Variants in IL1R2 observed in about 807,000 individuals in gnomAD.
IL1R2 encodes interleukin-1 receptor type 2.
In IL1R2, 46 loss-of-function variants were observed where a neutral mutation model predicts 39.5. That is an observed-to-expected ratio of 1.16 (90% CI 0.92 to 1.49). IL1R2 has a LOEUF of 1.49. Ranked by LOEUF, IL1R2 falls within the 40% of genes most tolerant of loss-of-function variation. The probability of loss-of-function intolerance (pLI) is 0.00; values close to 1 mark genes in which losing one functional copy is unlikely to be tolerated. For synonymous variants in IL1R2, 207 were observed against 189.6 expected, an observed-to-expected ratio of 1.09 and a Z score of -0.75; for missense variants, 537 against 502.0, an observed-to-expected ratio of 1.07 and a Z score of -0.67.
Position 102,011,609 on chromosome 2 carries a change from T to C in IL1R2, c.332+1783T>C, listed in dbSNP as rs934028250. 5.9e-5 allele frequency among the ~76,000 whole-genome samples: 9 copies of C among 152,334 alleles called. No homozygotes were observed. In the East Asian group the frequency reaches 1.2e-3, roughly 20 times the overall value. ...TTTTAAAAACTGCATTTTGCTGTTGTTGTTGAGTTGTAGGAGTTCTTTACA... is the reference window on the plus strand; with the variant it reads ...TTTTAAAAACTGCATTTTGCTGTTGCTGTTGAGTTGTAGGAGTTCTTTACA... On this transcript the variant is annotated intron_variant, in intron 3 of 8. Coordinates refer to ENST00000332549, the MANE Select transcript of IL1R2 (RefSeq NM_004633.4).
At chr2:102,012,080 TAAA>T (rs1485865825) in intron 3 of IL1R2, among the ~76,000 whole-genome samples, 1 of 152,216 alleles carries the variant, frequency 6.6e-6, no homozygotes, top group African/African-American at 2.4e-5. Flanking sequence ...TTGGTGATCT[TAAA>T]AAGTTTCTTG....
At chr2:101,995,236 T>C (rs1371909443) in intron 1 of IL1R2, among the ~76,000 whole-genome samples, 2 of 152,152 alleles carry the variant, frequency 1.3e-5, no homozygotes, top group African/African-American at 2.4e-5. Flanking sequence ...AGGTGAGCTG[T>C]TTAAAAGAGG....
chr2:102,027,900 G>C (rs1416229475), intron 8 of IL1R2, among the ~76,000 whole-genome samples: 1 of 152,128 alleles, frequency 6.6e-6, no homozygotes, highest in East Asian at 1.9e-4. Flanking sequence ...CTCTGTCACA[G>C]TTGGCCAACT....
Position 102,028,364 on chromosome 2 carries a change from A to T in IL1R2, c.1169A>T (p.His390Leu). 1 of 1,603,390 alleles carries T rather than the reference A, an allele frequency of 6.2e-7. No homozygotes were observed. Among genetic ancestry groups the T allele is most frequent in the East Asian group, 2.2e-5 (1 of 44,590 alleles). ...ADGLTVLWPH[H>L]QDFQSYPK ...GGTCTGACTGTGCTATGGCCTCATC[A>T]TCAAGACTTTCAATCCTATCCCAAG... The change falls in exon 9 of 9, where the codon CAT becomes CTT. Residue 390 changes from histidine (H) to leucine (L), a missense_variant. Coordinates refer to ENST00000332549, the MANE Select transcript of IL1R2 (RefSeq NM_004633.4).
intron 8 of IL1R2, 104 bp downstream of exon 8, chr2:102,026,357 C>T (rs899507278): frequency 2.5e-5 from 24 of 959,478 alleles, no homozygotes; most frequent in Non-Finnish European, 3.4e-5. Context: ...CATAGAAATT[C>T]CCTTGCATTG....
chr2:102,009,849 G>C (rs2150435599), intron 3 of IL1R2, 23 bp downstream of exon 3: 1 of 1,609,742 alleles, frequency 6.2e-7, no homozygotes, highest in Middle Eastern at 1.7e-4. Context: ...GTGCGGGGCT[G>C]GGGAGGGGAT....
chr2:101,996,497 T>TTTC (rs1173174948), intron 1 of IL1R2, among the ~76,000 whole-genome samples: 12 of 144,474 alleles, frequency 8.3e-5, no homozygotes, highest in African/African-American at 3.2e-4. Flanking sequence ...TTTTTTTTTT[T>TTTC]TTTTTTTTGG....
intron 1 of IL1R2, among the ~76,000 whole-genome samples, chr2:101,995,949 C>T (rs907846463): frequency 6.6e-6 from 1 of 152,180 alleles, no homozygotes; most frequent in Non-Finnish European, 1.5e-5. Flanking sequence ...AGGACCTCAG[C>T]CTGCTGCCCA....
rs3218952 is a variant in IL1R2 at position 102,021,149 on chromosome 2, C to T, written c.689-1038C>T. On this transcript the variant is annotated intron_variant, in intron 5 of 8. Coordinates refer to ENST00000332549, the MANE Select transcript of IL1R2 (RefSeq NM_004633.4). ...CCGTCTGCCCCTCAGGCTGTCCTGC[C>T]ATGCTGTCTAATGTGTACTCATGTC... Among the ~76,000 whole-genome samples, 1,350 of 152,228 alleles carry T rather than the reference C, an allele frequency of 8.9e-3. 21 individuals are homozygous for T. The highest frequency in any genetic ancestry group is 0.031 in the African/African-American group (1,294 of 41,536).
intron 6 of IL1R2, among the ~76,000 whole-genome samples, chr2:102,022,549 C>A (rs1296436523): frequency 6.6e-6 from 1 of 152,222 alleles, no homozygotes; most frequent in East Asian, 1.9e-4. Flanking sequence ...CAGTTATCAA[C>A]TGCATGAGAA....
chr2:102,024,766 C>CT lies in IL1R2; in HGVS notation c.887+105dup, dbSNP rs978674780. 6 of 1,401,772 alleles carry CT rather than the reference C, an allele frequency of 4.3e-6. No individual in the cohort carries two copies. The African/African-American group carries it at 4.3e-5, about 10-fold the overall frequency. The allele number at this position is 1,401,772 out of a possible 1,614,324, so 86.8% of individuals were successfully genotyped here. A position where few individuals can be genotyped will look rare whatever the true frequency, so the allele number is the denominator to read the frequency against. ...GACCCACATACCACATTAAAAGTTA[C>CT]TTTTTTTGATTCCAAACTGTTGGAT... On this transcript the variant is annotated intron_variant, in intron 7 of 8. Transcript: ENST00000332549.
In IL1R2 at chr2:101,991,999, G is replaced by A. The variant is rs188903186; in HGVS notation, c.-74G>A. On this transcript the variant is annotated 5_prime_UTR_variant, in exon 1 of 9. Coordinates refer to ENST00000332549, the MANE Select transcript of IL1R2 (RefSeq NM_004633.4). ...TCTGGCCTGGCAGCCTTCCCCAGGT[G>A]AGCAGCAACAAGGTGAGAGAATGCA... 6.0e-4 allele frequency: 91 copies of A among 152,722 alleles called. No individual in the cohort carries two copies. Among genetic ancestry groups the A allele is most frequent in the Non-Finnish European group, 5.6e-4 (38 of 68,190 alleles). The allele number at this position is 152,722 out of a possible 1,614,324, so 9.5% of individuals were successfully genotyped here. A position where few individuals can be genotyped will look rare whatever the true frequency, so the allele number is the denominator to read the frequency against.
intron 3 of IL1R2, among the ~76,000 whole-genome samples, chr2:102,011,285 T>G (rs1676614278): frequency 6.6e-6 from 1 of 152,232 alleles, no homozygotes; most frequent in African/African-American, 2.4e-5. Context: ...ATCTGTTAAT[T>G]CTATATTTAA....
intron 1 of IL1R2, among the ~76,000 whole-genome samples, chr2:102,002,524 G>A (rs571440130): frequency 1.4e-5 from 2 of 138,594 alleles, no homozygotes; most frequent in Admixed American, 1.4e-4. Context: ...TCTATGTGTA[G>A]GTCTAGGTCT....
At chr2:102,017,864 G>C (rs3218927) in intron 4 of IL1R2, among the ~76,000 whole-genome samples, 24,341 of 151,954 alleles carry the variant, frequency 0.16, 2,293 homozygotes, top group East Asian at 0.28. Flanking sequence ...GAAAACATTG[G>C]TCAACTCCTG....
chr2:102,009,494 G>T, intron 2 of IL1R2, 68 bp from the exon 3 acceptor site: 1 of 1,523,720 alleles, frequency 6.6e-7, no homozygotes, highest in Non-Finnish European at 8.9e-7. Context: ...AGTCCCAGGT[G>T]CAGGGAGGTT....
At chr2:101,997,525 C>T (rs1015840284) in intron 1 of IL1R2, among the ~76,000 whole-genome samples, 1 of 152,170 alleles carries the variant, frequency 6.6e-6, no homozygotes, top group African/African-American at 2.4e-5. Flanking sequence ...AGTCTTCCCC[C>T]ACTTGGCCTC....
At chr2:102,009,855 G>A in intron 3 of IL1R2, 29 bp downstream of exon 3, 1 of 1,608,624 alleles carries the variant, frequency 6.2e-7, no homozygotes, top group Non-Finnish European at 8.5e-7. Flanking sequence ...GGCTGGGGAG[G>A]GGATCCTGGC....
At chr2:102,010,871 A>C (rs942794402) in intron 3 of IL1R2, among the ~76,000 whole-genome samples, 6 of 152,202 alleles carry the variant, frequency 3.9e-5, no homozygotes, top group Non-Finnish European at 8.8e-5. Flanking sequence ...TGAAACTCTG[A>C]ACCCATTAAA....
Sources: allele counts gnomAD v4.1 joint callset (sites outside exome capture counted in the v4.1 genomes callset), GRCh38; gene constraint gnomAD v4.1.1; transcripts MANE v1.5; gene names NCBI Gene and HGNC (gene_info 2026-07-23, HGNC 2026-07-21).